ITGB1: variants seen among roughly 807,000 people sequenced by gnomAD.
ITGB1 encodes integrin beta-1.
ITGB1 carries 24 observed loss-of-function variants against 86.5 expected under a neutral mutation model. The observed-to-expected ratio is 0.28, with a 90% CI of 0.20 to 0.39. The LOEUF (loss-of-function observed/expected upper bound fraction) is 0.39. Among genes scored for constraint, ITGB1 ranks in the 10% least tolerant of loss-of-function variants. The pLI is 1.00. For synonymous variants in ITGB1, 323 were observed against 316.8 expected (o/e 1.02, Z -0.21); for missense variants, 556 against 946.9 (o/e 0.59, Z 5.42).
At chr10:32,930,449 G>T (rs1418955102) in intron 3 of ITGB1, among the ~76,000 whole-genome samples, 1 of 152,112 alleles carries the variant, frequency 6.6e-6, no homozygotes, top group Non-Finnish European at 1.5e-5. Context: ...CTCATATTAT[G>T]TGGCACTCTC....
Position 32,929,883 on chromosome 10 carries a change from C to A in ITGB1, c.315G>T (p.Lys105Asn), listed in dbSNP as rs1033421843. 1.9e-6 allele frequency: 3 copies of A among 1,613,634 alleles called. No individual in the cohort carries two copies. In the African/African-American group the frequency reaches 4.0e-5, roughly 22 times the overall value. ...VTNRSKGTAE[K>N]LKPEDITQIQ... The stretch of plus-strand genomic sequence containing the variant: ...TCTGAGTAATATCCTCTGGCTTGAG[C>A]TTCTCTGCTGTTCCTTTGCTACGGT... The change falls in exon 4 of 16, where the codon AAG becomes AAT. Residue 105 changes from lysine (K) to asparagine (N), a missense_variant. By Grantham distance (94) the Lys-to-Asn change is moderately conservative. Transcript: ENST00000302278.
intron 1 of ITGB1, among the ~76,000 whole-genome samples, chr10:32,949,213 CTT>C (rs1356965052): frequency 4.6e-5 from 7 of 152,070 alleles, no homozygotes; most frequent in Non-Finnish European, 1.5e-5. Flanking sequence ...ATAATAGTGT[CTT>C]TGTTTTACAG....
intron 7 of ITGB1, 22 bp downstream of exon 7, chr10:32,923,563 A>G (rs2094956208): frequency 1.9e-6 from 3 of 1,593,838 alleles, no homozygotes; most frequent in Non-Finnish European, 2.6e-6. Context: ...CACATTCACT[A>G]TGTAAGGAAC....
intron 15 of ITGB1, among the ~76,000 whole-genome samples, chr10:32,905,913 T>C (rs534108767): frequency 1.9e-4 from 29 of 152,312 alleles, no homozygotes; most frequent in African/African-American, 6.7e-4. Context: ...AGAATTTAGT[T>C]CTAATCACAA....
intron 1 of ITGB1, chr10:32,944,691 A>C: frequency 1.5e-6 from 1 of 669,192 alleles, no homozygotes; most frequent in Admixed American, 1.8e-5. Flanking sequence ...GAAGCCCTAG[A>C]CTAAGCTTCT....
At chr10:32,913,326 T>C (rs145349828) in intron 11 of ITGB1, among the ~76,000 whole-genome samples, 1 of 152,288 alleles carries the variant, frequency 6.6e-6, no homozygotes, top group African/African-American at 2.4e-5. Flanking sequence ...CTTTGACAAG[T>C]TGAGAGAAGA....
chr10:32,921,803 T>C (rs927910601), intron 9 of ITGB1, among the ~76,000 whole-genome samples: 1 of 151,982 alleles, frequency 6.6e-6, no homozygotes, highest in Non-Finnish European at 1.5e-5. Flanking sequence ...TATGAGTGTG[T>C]ACCTCCTGAA....
chr10:32,924,116 GT>G (rs1274583480), intron 6 of ITGB1, among the ~76,000 whole-genome samples: 3 of 152,162 alleles, frequency 2.0e-5, no homozygotes, highest in Admixed American at 6.5e-5. Context: ...AAATGAAAGT[GT>G]CTGAGCCTAT....
chr10:32,912,936 C>T (rs1245321234), intron 11 of ITGB1, among the ~76,000 whole-genome samples: 2 of 152,172 alleles, frequency 1.3e-5, no homozygotes, highest in South Asian at 2.1e-4. Flanking sequence ...ACACCTCATA[C>T]AGCCCGGTGC....
At chr10:32,914,550 G>A (rs2094925481) in intron 11 of ITGB1, among the ~76,000 whole-genome samples, 2 of 152,202 alleles carry the variant, frequency 1.3e-5, no homozygotes, top group South Asian at 4.1e-4. Flanking sequence ...AACCAACAAA[G>A]ATCAAAAGGG....
At chr10:32,938,861 C>T (rs1429566738) in intron 1 of ITGB1, among the ~76,000 whole-genome samples, 3 of 152,102 alleles carry the variant, frequency 2.0e-5, no homozygotes, top group Admixed American at 2.0e-4. Flanking sequence ...GACCAGGGGG[C>T]GGAGAGGAGA....
intron 15 of ITGB1, among the ~76,000 whole-genome samples, chr10:32,904,438 G>A (rs2094890797): frequency 6.6e-6 from 1 of 152,126 alleles, no homozygotes; most frequent in Non-Finnish European, 1.5e-5. Context: ...CAGAAGTGTG[G>A]GAGATTTGGG....
chr10:32,940,658 C>G (rs999552148), intron 1 of ITGB1, among the ~76,000 whole-genome samples: 5 of 152,172 alleles, frequency 3.3e-5, no homozygotes, highest in African/African-American at 1.2e-4. Context: ...CATGCCCAAC[C>G]ATATATGTGA....
In ITGB1 at chr10:32,948,006, ATT is replaced by A. The variant is rs35342363; in HGVS notation, c.-1+10137_-1+10138del. On this transcript the variant is annotated intron_variant, in intron 1 of 15. Coordinates refer to ENST00000302278, the MANE Select transcript of ITGB1 (RefSeq NM_002211.4). ...TGAATAAAGAAGTAACTATGGTTGA[ATT>A]TTTTTTTTTTTTCAATTGTAATTAT... 5.9e-3 allele frequency among the ~76,000 whole-genome samples: 876 copies of A among 147,782 alleles called. 8 individuals carry two copies. The highest frequency in any genetic ancestry group is 0.018 in the African/African-American group (713 of 40,166).
intron 15 of ITGB1, among the ~76,000 whole-genome samples, chr10:32,906,865 A>G (rs2094897949): frequency 6.6e-6 from 1 of 152,182 alleles, no homozygotes; most frequent in Non-Finnish European, 1.5e-5. Flanking sequence ...TCACTACAAC[A>G]TGGCTGCTGT....
In ITGB1 at chr10:32,929,565, A is replaced by G. The variant is rs1033883635; in HGVS notation, c.376+257T>C. Among the ~76,000 whole-genome samples, 4 of 152,216 alleles carry G rather than the reference A, an allele frequency of 2.6e-5. No homozygotes were observed. The South Asian group carries it at 8.3e-4, about 32-fold the overall frequency. On this transcript the variant is annotated intron_variant, in intron 4 of 15. Coordinates refer to ENST00000302278, the MANE Select transcript of ITGB1 (RefSeq NM_002211.4). ...ACACTTTCATTTTTAAAACTCACTAAAGCTAATTAATACTTTCTGAATCTT... is the reference window on the plus strand; with the variant it reads ...ACACTTTCATTTTTAAAACTCACTAGAGCTAATTAATACTTTCTGAATCTT...
At chr10:32,944,361 C>T (rs936469519) in intron 1 of ITGB1, 2 of 224,626 alleles carry the variant, frequency 8.9e-6, no homozygotes, top group Admixed American at 1.1e-4. Flanking sequence ...GGGCCAAAGC[C>T]CTTGTTCGGG....
Position 32,932,521 on chromosome 10 carries a change from T to C in ITGB1, c.147A>G (p.Thr49=). The C allele has an allele frequency of 6.2e-7, 1 of 1,600,618 alleles. No individual in the cohort carries two copies. The change falls in exon 3 of 16, where the codon ACA becomes ACG. Residue 49 remains threonine, a synonymous_variant. Transcript: ENST00000302278. ...CTTGAGCAACCTTACTTACTGAATT[T>C]GTGCACCACCCACAATTTGGCCCTG... ...IQAGPNCGWC[T]NSTFLQEGMP... is the part of the protein sequence containing the mutation.
rs182828394 is a variant in ITGB1 at position 32,933,193 on chromosome 10, T to C, written c.68-593A>G. Among the ~76,000 whole-genome samples the C allele has an allele frequency of 4.1e-4, 63 of 152,180 alleles. 1 individual carries two copies. Among genetic ancestry groups the C allele is most frequent in the African/African-American group, 8.9e-4 (37 of 41,526 alleles). On this transcript the variant is annotated intron_variant, in intron 2 of 15. Coordinates refer to ENST00000302278, the MANE Select transcript of ITGB1 (RefSeq NM_002211.4). ...CCGTGATTTTGGATCACCTTGACAC[T>C]GAAAGCCACAGAGAGACATAAGTTA... is the stretch of plus-strand genomic sequence containing the variant.
Sources: gnomAD v4.1 joint callset for allele counts (sites outside exome capture counted in the v4.1 genomes callset) on GRCh38, gnomAD v4.1.1 for gene constraint, MANE v1.5 for transcripts, NCBI Gene and HGNC (gene_info 2026-07-23, HGNC 2026-07-21) for gene names.